RAB3C: variants seen among roughly 807,000 people sequenced by gnomAD.
RAB3C encodes the protein RAB3C, member RAS oncogene family.
A neutral mutation model predicts 26.4 loss-of-function variants in RAB3C; 17 were observed. The ratio of observed to expected loss-of-function variants is 0.64; its 90% CI spans 0.44 to 0.97. The LOEUF (loss-of-function observed/expected upper bound fraction) is 0.97. RAB3C is among the 50% of genes least tolerant of loss of function. The pLI is 0.00. For synonymous variants in RAB3C, 91 were observed against 95.9 expected (o/e 0.95, Z 0.30); for missense variants, 242 against 281.9 (o/e 0.86, Z 1.01).
chr5:58,645,274 GAGATCACCAGATTCT>G (rs1747493225), intron 2 of RAB3C, among the ~76,000 whole-genome samples: 1 of 152,174 alleles, frequency 6.6e-6, no homozygotes, highest in African/African-American at 2.4e-5. Context: ...TATAAATTGA[GAGATCACCAGATTCT>G]AATTTTCTCT....
intron 2 of RAB3C, among the ~76,000 whole-genome samples, chr5:58,639,234 CA>C (rs1747359082): frequency 6.6e-6 from 1 of 152,120 alleles, no homozygotes; most frequent in East Asian, 1.9e-4. Context: ...TGTAAAGATA[CA>C]TTATCGATGA....
At chr5:58,844,461 A>C (rs1257847743) in intron 4 of RAB3C, among the ~76,000 whole-genome samples, 1 of 152,206 alleles carries the variant, frequency 6.6e-6, no homozygotes, top group Non-Finnish European at 1.5e-5. Context: ...CAAATTGATC[A>C]AAAGCCTTAC....
At chr5:58,717,889 A>G (rs181373454) in intron 2 of RAB3C, among the ~76,000 whole-genome samples, 1 of 152,238 alleles carries the variant, frequency 6.6e-6, no homozygotes, top group Non-Finnish European at 1.5e-5. Context: ...AATGAGCCCA[A>G]TCGGCACATG....
chr5:58,697,458 G>T (rs924966642), intron 2 of RAB3C, among the ~76,000 whole-genome samples: 1 of 152,178 alleles, frequency 6.6e-6, no homozygotes, highest in African/African-American at 2.4e-5. Flanking sequence ...GCAGAGCTGA[G>T]TTCAGGTCCT....
At chr5:58,625,855 T>C (rs1747040617) in intron 2 of RAB3C, among the ~76,000 whole-genome samples, 1 of 99,100 alleles carries the variant, frequency 1.0e-5, no homozygotes, top group African/African-American at 4.5e-5. Context: ...AGACTCTGTC[T>C]CAAAAAAAAA....
At chr5:58,734,992 T>A (rs926990355) in intron 3 of RAB3C, among the ~76,000 whole-genome samples, 2 of 152,222 alleles carry the variant, frequency 1.3e-5, no homozygotes, top group African/African-American at 2.4e-5. Context: ...ATATACCTTA[T>A]TTAATATATA....
chr5:58,614,120 C>T (rs1384969836), intron 1 of RAB3C, among the ~76,000 whole-genome samples: 1 of 152,062 alleles, frequency 6.6e-6, no homozygotes, highest in African/African-American at 2.4e-5. Context: ...AGATTAATGC[C>T]ATTTGAAGAG....
At chr5:58,816,635 G>C (rs6897585) in intron 3 of RAB3C, among the ~76,000 whole-genome samples, 2 of 151,926 alleles carry the variant, frequency 1.3e-5, no homozygotes, top group East Asian at 3.9e-4. Flanking sequence ...TGTAATTTGC[G>C]TTTTACTTAA....
intron 3 of RAB3C, among the ~76,000 whole-genome samples, chr5:58,792,554 G>A (rs1220103488): frequency 1.3e-5 from 2 of 152,086 alleles, no homozygotes; most frequent in Admixed American, 6.6e-5. Flanking sequence ...AGCCAGAGGC[G>A]GAAGCTGTGA....
chr5:58,844,908 G>T (rs577751849), intron 4 of RAB3C, among the ~76,000 whole-genome samples: 1 of 152,150 alleles, frequency 6.6e-6, no homozygotes, highest in Non-Finnish European at 1.5e-5. Flanking sequence ...CAACAGTGCC[G>T]CAGAACATCT....
At chr5:58,600,958 T>G (rs778717848) in intron 1 of RAB3C, among the ~76,000 whole-genome samples, 3 of 152,190 alleles carry the variant, frequency 2.0e-5, no homozygotes, top group African/African-American at 4.8e-5. Context: ...TTTTCCCCAT[T>G]CAGTGTTATG....
At chr5:58,773,240 G>A (rs1228146494) in intron 3 of RAB3C, among the ~76,000 whole-genome samples, 1 of 152,106 alleles carries the variant, frequency 6.6e-6, no homozygotes, top group Middle Eastern at 3.2e-3. Context: ...TTAGAATGGA[G>A]TACATACTGC....
intron 4 of RAB3C, among the ~76,000 whole-genome samples, chr5:58,827,238 G>A (rs899685022): frequency 6.6e-6 from 1 of 152,208 alleles, no homozygotes; most frequent in Non-Finnish European, 1.5e-5. Flanking sequence ...GAGAGGGTTG[G>A]CAGGTTGGCT....
At chr5:58,690,099 G>T (rs1748536988) in intron 2 of RAB3C, among the ~76,000 whole-genome samples, 1 of 152,006 alleles carries the variant, frequency 6.6e-6, no homozygotes, top group Non-Finnish European at 1.5e-5. Context: ...CTTCTCTAGA[G>T]GCAGAAATAA....
At chr5:58,845,742 G>A (rs181317097) in intron 4 of RAB3C, among the ~76,000 whole-genome samples, 1 of 151,220 alleles carries the variant, frequency 6.6e-6, no homozygotes, top group East Asian at 1.9e-4. Flanking sequence ...CATTTGAAGT[G>A]TACAATTCAG....
intron 2 of RAB3C, among the ~76,000 whole-genome samples, chr5:58,723,389 G>C (rs1037226908): frequency 2.0e-5 from 3 of 151,756 alleles, no homozygotes; most frequent in African/African-American, 7.3e-5. Context: ...TCCAAGAGTA[G>C]AATATAATTG....
chr5:58,850,290 G>A (rs903141774), intron 4 of RAB3C, among the ~76,000 whole-genome samples: 2 of 152,202 alleles, frequency 1.3e-5, no homozygotes, highest in Non-Finnish European at 2.9e-5. Context: ...CAGCTCATTT[G>A]AAATTTACCA....
chr5:58,631,903 G>T (rs1333477786), intron 2 of RAB3C, among the ~76,000 whole-genome samples: 1 of 152,194 alleles, frequency 6.6e-6, no homozygotes, highest in East Asian at 1.9e-4. Flanking sequence ...TGTATGGCTA[G>T]CTTCTGCAAA....
intron 3 of RAB3C, among the ~76,000 whole-genome samples, chr5:58,813,996 T>G (rs1211402257): frequency 2.0e-5 from 3 of 152,182 alleles, no homozygotes; most frequent in Non-Finnish European, 4.4e-5. Context: ...TGGAAAGCTG[T>G]GCTGAACAGG....
Sources: allele counts gnomAD v4.1 joint callset (sites outside exome capture counted in the v4.1 genomes callset), GRCh38; gene constraint gnomAD v4.1.1; transcripts MANE v1.5; gene names NCBI Gene and HGNC (gene_info 2026-07-23, HGNC 2026-07-21).